AGBL4: variants seen among roughly 807,000 people sequenced by gnomAD.
AGBL4 encodes the protein AGBL carboxypeptidase 4, also known as cytosolic carboxypeptidase 6.
Under a neutral mutation model 66.4 loss-of-function variants are expected in AGBL4, and 58 were observed. The ratio of observed to expected loss-of-function variants is 0.87; its 90% CI spans 0.71 to 1.09. The LOEUF (loss-of-function observed/expected upper bound fraction) is 1.09, where lower values mean the gene tolerates loss of function less well. Among genes scored for constraint, AGBL4 ranks in the 50% least tolerant of loss-of-function variants. AGBL4 has a pLI of 0.00. For synonymous variants in AGBL4, 234 were observed against 222.9 expected (o/e 1.05, Z -0.44); for missense variants, 579 against 631.0 (o/e 0.92, Z 0.88).
At chr1:48,671,040 G>A (rs1570200019) in intron 6 of AGBL4, among the ~76,000 whole-genome samples, 1 of 152,362 alleles carries the variant, frequency 6.6e-6, no homozygotes, top group East Asian at 1.9e-4. Context: ...TGAATCAATA[G>A]GATACTGGAT....
At chr1:48,705,218 AAC>A (rs1232732090) in intron 6 of AGBL4, among the ~76,000 whole-genome samples, 2 of 152,244 alleles carry the variant, frequency 1.3e-5, no homozygotes, top group African/African-American at 2.4e-5. Context: ...AAAAATAAAA[AAC>A]AGTTTATTAA....
At chr1:49,882,129 A>C (rs923121197) in intron 1 of AGBL4, among the ~76,000 whole-genome samples, 1 of 152,018 alleles carries the variant, frequency 6.6e-6, no homozygotes, top group Admixed American at 6.6e-5. Context: ...TCCAAGCACC[A>C]TTTATTAAAT....
At chr1:49,584,550 T>C (rs1205493912) in intron 3 of AGBL4, among the ~76,000 whole-genome samples, 1 of 152,198 alleles carries the variant, frequency 6.6e-6, no homozygotes, top group Non-Finnish European at 1.5e-5. Context: ...ATTTTTCTTT[T>C]TAAGGAATGA....
chr1:49,656,966 T>G (rs1038745680), intron 3 of AGBL4, among the ~76,000 whole-genome samples: 2 of 152,214 alleles, frequency 1.3e-5, no homozygotes, highest in Non-Finnish European at 2.9e-5. Flanking sequence ...ATGCCCTCTT[T>G]CGCCACTCCT....
intron 6 of AGBL4, among the ~76,000 whole-genome samples, chr1:48,669,840 C>T (rs1032937386): frequency 5.9e-5 from 9 of 152,142 alleles, no homozygotes; most frequent in Admixed American, 1.3e-4. Flanking sequence ...GCCTCTGGGC[C>T]GTCCTGAGAA....
intron 5 of AGBL4, among the ~76,000 whole-genome samples, chr1:49,042,619 C>A (rs1043608796): frequency 2.0e-5 from 3 of 152,116 alleles, no homozygotes; most frequent in African/African-American, 7.2e-5. Flanking sequence ...CATATTGAAT[C>A]ATGAGGTTGA....
intron 6 of AGBL4, among the ~76,000 whole-genome samples, chr1:48,860,587 G>C (rs560676519): frequency 6.6e-6 from 1 of 152,318 alleles, no homozygotes; most frequent in South Asian, 2.1e-4. Flanking sequence ...AGAAAAAAAG[G>C]CTGCTGCATA....
At chr1:49,333,901 C>T (rs1645383638) in intron 3 of AGBL4, among the ~76,000 whole-genome samples, 1 of 152,040 alleles carries the variant, frequency 6.6e-6, no homozygotes. Flanking sequence ...AAATCTGCCC[C>T]CAGAGAACTT....
intron 3 of AGBL4, among the ~76,000 whole-genome samples, chr1:49,446,129 G>A (rs1418113806): frequency 1.3e-5 from 2 of 152,270 alleles, no homozygotes; most frequent in East Asian, 3.9e-4. Flanking sequence ...GGGATTACAG[G>A]TGTGAGCCAC....
chr1:48,761,864 G>A (rs1482474249), intron 6 of AGBL4, among the ~76,000 whole-genome samples: 1 of 152,190 alleles, frequency 6.6e-6, no homozygotes, highest in Non-Finnish European at 1.5e-5. Context: ...TCTAAGCCAA[G>A]TGTCTTCCCA....
intron 2 of AGBL4, among the ~76,000 whole-genome samples, chr1:49,772,905 C>T (rs1392116457): frequency 6.6e-6 from 1 of 152,092 alleles, no homozygotes; most frequent in African/African-American, 2.4e-5. Context: ...GAGAAGATTC[C>T]ACTATTATTT....
chr1:49,743,489 G>T (rs1379841044), intron 2 of AGBL4, among the ~76,000 whole-genome samples: 1 of 152,212 alleles, frequency 6.6e-6, no homozygotes, highest in African/African-American at 2.4e-5. Context: ...GTGGAAGTTA[G>T]TGTGGCGATT....
intron 9 of AGBL4, among the ~76,000 whole-genome samples, chr1:48,601,997 C>A (rs766940186): frequency 6.6e-6 from 1 of 152,128 alleles, no homozygotes; most frequent in Non-Finnish European, 1.5e-5. Context: ...AGCTGAGGAA[C>A]ATTTTAATTT....
intron 3 of AGBL4, among the ~76,000 whole-genome samples, chr1:49,472,525 T>C (rs1334638749): frequency 2.0e-5 from 3 of 152,018 alleles, no homozygotes; most frequent in Admixed American, 6.6e-5. Context: ...GAAAACAGTA[T>C]TGTGGCTCCT....
chr1:49,133,076 A>T (rs150443536), intron 4 of AGBL4, among the ~76,000 whole-genome samples: 7 of 152,230 alleles, frequency 4.6e-5, no homozygotes, highest in African/African-American at 1.4e-4. Context: ...GAAAGAGTTC[A>T]TGTCCTTTGC....
intron 11 of AGBL4, among the ~76,000 whole-genome samples, chr1:48,554,454 CATT>C (rs1425513637): frequency 6.6e-6 from 1 of 152,158 alleles, no homozygotes; most frequent in African/African-American, 2.4e-5. Context: ...TATAATATCT[CATT>C]ATTGGTCATT....
intron 3 of AGBL4, among the ~76,000 whole-genome samples, chr1:49,513,154 T>G (rs1251167688): frequency 1.3e-5 from 2 of 152,208 alleles, no homozygotes. Context: ...AAGTTCAGTG[T>G]TCTTTCTAGT....
chr1:48,537,734 A>T (rs1302569523), intron 12 of AGBL4, among the ~76,000 whole-genome samples: 1 of 152,270 alleles, frequency 6.6e-6, no homozygotes, highest in Non-Finnish European at 1.5e-5. Flanking sequence ...TTATTTAGGC[A>T]GAGGACCTGA....
At chr1:49,588,158 G>A (rs188391217) in intron 3 of AGBL4, among the ~76,000 whole-genome samples, 17 of 152,222 alleles carry the variant, frequency 1.1e-4, no homozygotes, top group Middle Eastern at 3.4e-3. Flanking sequence ...ATCTTACAGC[G>A]TAGAATGTCC....
Sources: allele counts gnomAD v4.1 joint callset (sites outside exome capture counted in the v4.1 genomes callset), GRCh38; gene constraint gnomAD v4.1.1; transcripts MANE v1.5; gene names NCBI Gene and HGNC (gene_info 2026-07-23, HGNC 2026-07-21).